STEAP2: variants seen among roughly 807,000 people sequenced by gnomAD.
The protein encoded by STEAP2 is STEAP2 metalloreductase.
STEAP2 carries 30 observed loss-of-function variants against 46.4 expected under a neutral mutation model. That is an observed-to-expected ratio of 0.65 (90% CI 0.48 to 0.88). STEAP2 has a LOEUF of 0.88. Ranked by LOEUF, STEAP2 falls within the 40% of genes least tolerant of loss-of-function variation. The pLI is 0.00. For missense variants in STEAP2, 513 were observed against 579.3 expected (o/e 0.89, Z 1.18); for synonymous variants, 180 against 200.5 (o/e 0.90, Z 0.86).
chr7:90,217,492 A>G (rs1455422556), intron 2 of STEAP2, among the ~76,000 whole-genome samples: 1 of 152,230 alleles, frequency 6.6e-6, no homozygotes, highest in African/African-American at 2.4e-5. Context: ...GCTCCCACAC[A>G]TGAGTAAAAA....
rs1010725199 is a variant in STEAP2 at position 90,227,256 on chromosome 7, C to T, written c.778C>T (p.Pro260Ser). 3 of 1,613,764 alleles carry T rather than the reference C, an allele frequency of 1.9e-6. No individual in the cohort carries two copies. Among genetic ancestry groups the T allele is most frequent in the Non-Finnish European group, 1.7e-6 (2 of 1,179,874 alleles). The change falls in exon 4 of 6, where the codon CCT becomes TCT. Residue 260 changes from proline to serine, a missense_variant. Coordinates refer to ENST00000394621, the MANE Select transcript of STEAP2 (RefSeq NM_001244944.2). ...IPIEIVNKTL[P>S]IVAITLLSLV... is the part of the protein sequence containing the mutation. ...TATAGAGATTGTGAATAAAACCTTA[C>T]CTATAGTTGCCATTACTTTGCTCTC...
chr7:90,230,364 A>T (rs549550781), intron 5 of STEAP2, among the ~76,000 whole-genome samples: 1 of 152,074 alleles, frequency 6.6e-6, no homozygotes, highest in African/African-American at 2.4e-5. Context: ...TCAATTTATT[A>T]TTAGCCAAGT....
intron 5 of STEAP2, among the ~76,000 whole-genome samples, chr7:90,231,832 C>T (rs554019476): frequency 1.3e-5 from 2 of 152,030 alleles, no homozygotes; most frequent in Admixed American, 6.5e-5. Flanking sequence ...TATCAGTACC[C>T]TTAAGGAAAA....
chr7:90,219,665 ATG>A (rs972666534), intron 2 of STEAP2, among the ~76,000 whole-genome samples: 1 of 152,100 alleles, frequency 6.6e-6, no homozygotes, highest in African/African-American at 2.4e-5. Context: ...TTTGATCATG[ATG>A]TGTGTGTGTT....
At chr7:90,224,529 T>G (rs1795396741) in intron 2 of STEAP2, among the ~76,000 whole-genome samples, 1 of 152,224 alleles carries the variant, frequency 6.6e-6, no homozygotes, top group African/African-American at 2.4e-5. Context: ...AAACTGTTGC[T>G]TCAATAAACG....
At position 90,236,760 on chromosome 7, in the gene STEAP2, A is replaced by G. The variant is rs1047029589; in HGVS notation, c.*4136A>G. The G allele has an allele frequency of 7.0e-7, 1 of 1,434,900 alleles. No individual in the cohort carries two copies. The highest frequency in any genetic ancestry group is 1.4e-5 in the African/African-American group (1 of 69,200). 88.9% of individuals were successfully genotyped at this position (1,434,900 alleles called of 1,614,324 possible). ...TTGAATTTCCATCATGCATTCATCC[A>G]AAATTAAGGCAGACTGTTTGGATTC... is the stretch of plus-strand genomic sequence containing the variant. On this transcript the variant is annotated 3_prime_UTR_variant, in exon 6 of 6. Transcript: ENST00000394621.
chr7:90,234,014 G>C lies in STEAP2; in HGVS notation c.*1390G>C. 1.0e-6 allele frequency: 1 copy of C among 985,400 alleles called. No individual in the cohort carries two copies. The highest frequency in any genetic ancestry group is 1.2e-6 in the Non-Finnish European group (1 of 829,938). 61.0% of individuals were successfully genotyped at this position (985,400 alleles called of 1,614,324 possible). On this transcript the variant is annotated 3_prime_UTR_variant, in exon 6 of 6. Coordinates refer to ENST00000394621, the MANE Select transcript of STEAP2 (RefSeq NM_001244944.2). Reference sequence around the variant, plus strand: ...CCCTATGCAGTGAAGGGCCCTAGCAGTGTTAACAAATTGCTGAGATCCCAC... The same window carrying C: ...CCCTATGCAGTGAAGGGCCCTAGCACTGTTAACAAATTGCTGAGATCCCAC...
At chr7:90,237,906 G>A (rs559081931), downstream of STEAP2, among the ~76,000 whole-genome samples, 7 of 151,110 alleles carry the variant, frequency 4.6e-5, no homozygotes, top group South Asian at 6.3e-4. Context: ...TAAACTCCCC[G>A]TAGCAGAAAT....
chr7:90,224,469 C>T (rs1795392646), intron 2 of STEAP2, among the ~76,000 whole-genome samples: 1 of 152,210 alleles, frequency 6.6e-6, no homozygotes, highest in South Asian at 2.1e-4. Context: ...AGGCACACTG[C>T]CTACGGGGTA....
intron 2 of STEAP2, among the ~76,000 whole-genome samples, chr7:90,221,955 A>C (rs1795273773): frequency 6.6e-6 from 1 of 152,312 alleles, no homozygotes; most frequent in Non-Finnish European, 1.5e-5. Context: ...GTTAGATTTA[A>C]AGATTTTGCA....
chr7:90,233,662 GAA>G lies in STEAP2; in HGVS notation c.*1041_*1042del. 1 of 903,080 alleles carries G rather than the reference GAA, an allele frequency of 1.1e-6. No individual in the cohort carries two copies. The highest frequency in any genetic ancestry group is 1.3e-6 in the Non-Finnish European group (1 of 755,008). 55.9% of individuals were successfully genotyped at this position (903,080 alleles called of 1,614,324 possible). ...TTTACACATGAGGGACCGAAGGATA[GAA>G]AAGTTATTTTTCAAAGGTCTTGCAG... On this transcript the variant is annotated 3_prime_UTR_variant, in exon 6 of 6. Coordinates refer to ENST00000394621, the MANE Select transcript of STEAP2 (RefSeq NM_001244944.2).
chr7:90,228,870 T>C (rs971564376), intron 4 of STEAP2, among the ~76,000 whole-genome samples: 1 of 152,150 alleles, frequency 6.6e-6, no homozygotes, highest in Non-Finnish European at 1.5e-5. Context: ...CTGTATTGTA[T>C]AGATATCAAA....
At chr7:90,241,199 CAT>C (rs1275344412), downstream of STEAP2, among the ~76,000 whole-genome samples, 3 of 152,050 alleles carry the variant, frequency 2.0e-5, no homozygotes, top group Non-Finnish European at 2.9e-5. Context: ...CACTCACACA[CAT>C]GAGCAGTGCT....
intron 2 of STEAP2, among the ~76,000 whole-genome samples, chr7:90,224,245 A>G (rs1795382312): frequency 6.6e-6 from 1 of 152,010 alleles, no homozygotes; most frequent in South Asian, 2.1e-4. Flanking sequence ...GGGCAGAAGC[A>G]CCTCCCCATA....
At position 90,224,850 on chromosome 7, in the gene STEAP2, C is replaced by CT. The variant is rs1170802025; in HGVS notation, c.-33-194dup. ...GACAGTTAATTTTCCTATTGAGATGCTTTTTTAAAAGCCAAAAGATTTATG... is the reference window on the plus strand; with the variant it reads ...GACAGTTAATTTTCCTATTGAGATGCTTTTTTTAAAAGCCAAAAGATTTATG... On this transcript the variant is annotated intron_variant, in intron 2 of 5. Transcript: ENST00000394621. Among the ~76,000 whole-genome samples, 5 of 152,232 alleles carry CT rather than the reference C, an allele frequency of 3.3e-5. No homozygotes were observed. The South Asian group carries it at 1.0e-3, about 32-fold the overall frequency.
At chr7:90,225,838 T>C (rs2116288570) in intron 3 of STEAP2, among the ~76,000 whole-genome samples, 1 of 152,310 alleles carries the variant, frequency 6.6e-6, no homozygotes, top group East Asian at 1.9e-4. Context: ...GTCAACACCA[T>C]TGTGGAACAA....
chr7:90,219,241 G>T (rs1315950886), intron 2 of STEAP2, among the ~76,000 whole-genome samples: 1 of 151,996 alleles, frequency 6.6e-6, no homozygotes, highest in Non-Finnish European at 1.5e-5. Flanking sequence ...GGGATAATTT[G>T]ACCTTCCTCT....
At position 90,237,173 on chromosome 7, in the gene STEAP2, T is replaced by C; in HGVS notation, c.*4549T>C. 2.1e-6 allele frequency: 1 copy of C among 469,114 alleles called. No individual in the cohort carries two copies. The allele number at this position is 469,114 out of a possible 1,614,324, so 29.1% of individuals were successfully genotyped here. ...GCCACACCCAAAGAGTAAGGCAGAT[T>C]AGAGACCAGAAAGACCTTGACTACT... On this transcript the variant is annotated 3_prime_UTR_variant, in exon 6 of 6. Transcript: ENST00000394621.
At chr7:90,219,820 TG>T in intron 2 of STEAP2, among the ~76,000 whole-genome samples, 1 of 152,158 alleles carries the variant, frequency 6.6e-6, no homozygotes. Context: ...CTTCAACTTC[TG>T]GGCTCAGGTG....
Sources: allele counts gnomAD v4.1 joint callset (sites outside exome capture counted in the v4.1 genomes callset), GRCh38; gene constraint gnomAD v4.1.1; transcripts MANE v1.5; gene names NCBI Gene and HGNC (gene_info 2026-07-23, HGNC 2026-07-21).